SMG5: variants seen among roughly 807,000 people sequenced by gnomAD.
SMG5 encodes the protein nonsense-mediated mRNA decay factor SMG5.
In SMG5, 53 loss-of-function variants were observed where a neutral mutation model predicts 122.9. The ratio of observed to expected loss-of-function variants is 0.43; its 90% CI spans 0.35 to 0.54. The LOEUF is 0.54. Among genes scored for constraint, SMG5 ranks in the 20% least tolerant of loss-of-function variants. The probability of loss-of-function intolerance (pLI) is 0.01; values close to 1 mark genes in which losing one functional copy is unlikely to be tolerated. For missense variants in SMG5, 1,153 were observed against 1,285.6 expected (o/e 0.90, Z 1.58); for synonymous variants, 477 against 490.2 (o/e 0.97, Z 0.35).
chr1:156,272,592 A>C (rs1004741183), intron 6 of SMG5, among the ~76,000 whole-genome samples, 194 bp from the exon 7 acceptor site: 4 of 149,694 alleles, frequency 2.7e-5, no homozygotes, highest in Non-Finnish European at 4.4e-5. Context: ...TTTTTTTTGG[A>C]GATGGAGTCT....
intron 7 of SMG5, 87 bp downstream of exon 7, chr1:156,272,233 G>A (rs1481734722): frequency 1.7e-6 from 2 of 1,200,390 alleles, no homozygotes; most frequent in Admixed American, 2.0e-5. Flanking sequence ...GCCACAGCTA[G>A]AGGAAGGAGG....
At chr1:156,285,641 C>T (rs763741159), upstream of SMG5, 9 of 1,613,880 alleles carry the variant, frequency 5.6e-6, no homozygotes, top group East Asian at 8.9e-5. Flanking sequence ...GTGCATTGAG[C>T]GGCAGCCCCA....
At chr1:156,273,974 CACT>C (rs1475827384) in intron 5 of SMG5, among the ~76,000 whole-genome samples, 3 of 152,116 alleles carry the variant, frequency 2.0e-5, no homozygotes, top group African/African-American at 7.2e-5. Context: ...ACAGAGAAGA[CACT>C]ACTAATGATA....
intron 1 of SMG5, among the ~76,000 whole-genome samples, chr1:156,280,213 A>G (rs1252955047): frequency 6.6e-6 from 1 of 152,240 alleles, no homozygotes; most frequent in Non-Finnish European, 1.5e-5. Flanking sequence ...CTGGAAGGGT[A>G]AAACCCAGAG....
Position 156,272,415 on chromosome 1 carries a change from T to C in SMG5, c.635-17A>G. ...AGGGCATTCCTAGGGAGAAAGAGAA[T>C]TCATGCAGTCTAAGGCCACAATACT... On this transcript the variant is annotated splice_polypyrimidine_tract_variant and intron_variant, in intron 6 of 21. Coordinates refer to ENST00000361813, the MANE Select transcript of SMG5 (RefSeq NM_015327.3). 1 of 1,590,204 alleles carries C rather than the reference T, an allele frequency of 6.3e-7. No homozygotes were observed. The highest frequency in any genetic ancestry group is 1.7e-5 in the Admixed American group (1 of 58,044).
chr1:156,276,860 C>T (rs1283522172), intron 4 of SMG5, among the ~76,000 whole-genome samples: 3 of 152,238 alleles, frequency 2.0e-5, no homozygotes, highest in South Asian at 2.1e-4. Context: ...CTTTCTGTCC[C>T]TCCTCTGCCT....
chr1:156,256,927 CTTTTTTT>C (rs10706859), intron 16 of SMG5, among the ~76,000 whole-genome samples: 1 of 138,756 alleles, frequency 7.2e-6, no homozygotes, highest in East Asian at 2.1e-4. Flanking sequence ...TTTTCTTTTC[CTTTTTTT>C]TTTTTTTTTC....
chr1:156,280,193 G>T (rs1467559312), intron 1 of SMG5, among the ~76,000 whole-genome samples: 2 of 152,178 alleles, frequency 1.3e-5, no homozygotes, highest in African/African-American at 4.8e-5. Context: ...CCCAGAGGTA[G>T]GTCTCATATC....
At chr1:156,251,510 G>T (rs1661355913) in intron 19 of SMG5, 33 bp from the exon 20 acceptor site, 3 of 1,607,766 alleles carry the variant, frequency 1.9e-6, no homozygotes, top group Non-Finnish European at 2.5e-6. Flanking sequence ...GAGGTCAGGA[G>T]CAGGAGACTG....
chr1:156,250,595 T>C lies in SMG5; in HGVS notation c.3043A>G (p.Ile1015Val), dbSNP rs754890250. ...GGGCCTGGGGGTCAGTATCAACCAATTTCCTTCCACTGCTTGTAGAAGTCC... is the reference window on the plus strand; with the variant it reads ...GGGCCTGGGGGTCAGTATCAACCAACTTCCTTCCACTGCTTGTAGAAGTCC... The part of the protein sequence containing the change: ...VLDFYKQWKE[I>V]G The change falls in exon 22 of 22, where the codon ATT becomes GTT. Residue 1015 changes from isoleucine (I) to valine (V), a missense_variant. Transcript: ENST00000361813. 8 of 1,614,028 alleles carry C rather than the reference T, an allele frequency of 5.0e-6. No individual in the cohort carries two copies. The South Asian group carries it at 8.8e-5, about 18-fold the overall frequency.
In SMG5 at chr1:156,266,386, GA is replaced by G; in HGVS notation, c.1256-7del. The G allele has an allele frequency of 6.2e-7, 1 of 1,609,038 alleles. No individual in the cohort carries two copies. The highest frequency in any genetic ancestry group is 8.5e-7 in the Non-Finnish European group (1 of 1,176,448). ...TTCCTTGGACTCTGGTTCATCTGCG[GA>G]AAGAGGAAGGTCAGGTGGAGCCCGA... On this transcript the variant is annotated splice_region_variant and splice_polypyrimidine_tract_variant and intron_variant, in intron 11 of 21. Coordinates refer to ENST00000361813, the MANE Select transcript of SMG5 (RefSeq NM_015327.3).
chr1:156,250,648 T>A lies in SMG5; in HGVS notation c.2990A>T (p.His997Leu). Reference protein sequence around the residue: ...PMQAALQAAAHASVDIKNVLD... With the variant: ...PMQAALQAAALASVDIKNVLD... ...AACATTCTTGATGTCCACACTGGCG[T>A]GGGCAGCGGCCTGCAGGGCTGCCTG... The change falls in exon 22 of 22, where the codon CAC becomes CTC. Residue 997 changes from histidine to leucine, a missense_variant. His to Leu is a moderately conservative substitution (Grantham distance 99). This residue lies in a region of SMG5 where 84 missense variants were observed against 82.3 expected (regional missense o/e 1.02). Transcript: ENST00000361813. The A allele has an allele frequency of 6.2e-7, 1 of 1,614,150 alleles. No homozygotes were observed. Among genetic ancestry groups the A allele is most frequent in the South Asian group, 1.1e-5 (1 of 91,078 alleles).
At chr1:156,285,432 CAGTA>C (rs764420377), upstream of SMG5, 2 of 1,612,952 alleles carry the variant, frequency 1.2e-6, no homozygotes, top group Admixed American at 3.3e-5. Flanking sequence ...CTAGACAGCA[CAGTA>C]AGTGAGGCTG....
chr1:156,251,075 A>C lies in SMG5; in HGVS notation c.2829-79T>G, dbSNP rs1661326023. The C allele has an allele frequency of 1.9e-6, 3 of 1,551,646 alleles. No individual in the cohort carries two copies. The South Asian group carries it at 3.5e-5, about 18-fold the overall frequency. ...CCAAACACCAGGATCTCCAGGGGAC[A>C]GGGGCAGCTGGGGGCTGGGAGGGCA... On this transcript the variant is annotated intron_variant, in intron 20 of 21. Coordinates refer to ENST00000361813, the MANE Select transcript of SMG5 (RefSeq NM_015327.3).
intron 13 of SMG5, among the ~76,000 whole-genome samples, chr1:156,262,689 A>T (rs1197591772): frequency 6.6e-6 from 1 of 152,088 alleles, no homozygotes; most frequent in Non-Finnish European, 1.5e-5. Context: ...TCAATGACTA[A>T]TGACTGAGTA....
chr1:156,263,484 C>T lies in SMG5; in HGVS notation c.1942G>A (p.Val648Ile), dbSNP rs1255746106. The change falls in exon 13 of 22, where the codon GTC (valine) becomes ATC (isoleucine). Residue 648 changes from valine to isoleucine, a missense_variant. This residue lies in a region of SMG5 where 631 missense variants were observed against 650.6 expected (regional missense o/e 0.97). Transcript: ENST00000361813. ...NERSIQEKLQ[V>I]LMAEGLLPAV... ...GGAAGCAGACCTTCGGCCATCAGGA[C>T]CTGAAGCTTCTCCTGGATGCTGCGC... is the stretch of plus-strand genomic sequence containing the variant. 4 of 1,614,254 alleles carry T rather than the reference C, an allele frequency of 2.5e-6. No homozygotes were observed. The East Asian group carries it at 8.9e-5, about 36-fold the overall frequency.
intron 13 of SMG5, among the ~76,000 whole-genome samples, chr1:156,263,106 C>G (rs1661929862): frequency 6.6e-6 from 1 of 152,228 alleles, no homozygotes; most frequent in Non-Finnish European, 1.5e-5. Flanking sequence ...TCCTTGAACA[C>G]ATACTTCTAC....
chr1:156,252,313 T>C lies in SMG5; in HGVS notation c.2753+101A>G, dbSNP rs1012354367. 23 of 992,212 alleles carry C rather than the reference T, an allele frequency of 2.3e-5. No individual in the cohort carries two copies. In the Admixed American group the frequency reaches 3.4e-4, roughly 15 times the overall value. 61.5% of individuals were successfully genotyped at this position (992,212 alleles called of 1,614,324 possible). ...AGCTAACTGTGAGTAGAGACGGGTA[T>C]GTATGTGTCTTACCCATAGGGAGCA... On this transcript the variant is annotated intron_variant, in intron 19 of 21. Transcript: ENST00000361813.
At chr1:156,272,535 T>A (rs886378300) in intron 6 of SMG5, 137 bp from the exon 7 acceptor site, 1 of 665,260 alleles carries the variant, frequency 1.5e-6, no homozygotes, top group South Asian at 1.7e-5. Context: ...TCTCAGGTGA[T>A]TAGCAGCTTA....
Sources: gnomAD v4.1 joint callset for allele counts (sites outside exome capture counted in the v4.1 genomes callset) on GRCh38, gnomAD v4.1.1 for gene constraint, gnomAD v4.1.1 regional missense constraint, MANE v1.5 for transcripts, NCBI Gene and HGNC (gene_info 2026-07-23, HGNC 2026-07-21) for gene names.